Variants in PDGFRL observed in about 807,000 individuals in gnomAD.
The protein encoded by PDGFRL is platelet derived growth factor receptor like.
PDGFRL carries 46 observed loss-of-function variants against 37.2 expected under a neutral mutation model. The ratio of observed to expected loss-of-function variants is 1.24; its 90% CI spans 0.98 to 1.58. The LOEUF (loss-of-function observed/expected upper bound fraction) is 1.58, where lower values mean the gene tolerates loss of function less well. Ranked by LOEUF, PDGFRL falls within the 40% of genes most tolerant of loss-of-function variation. The pLI is 0.00. For missense variants in PDGFRL, 692 were observed against 467.6 expected (o/e 1.48, Z -4.43); for synonymous variants, 251 against 184.3 (o/e 1.36, Z -2.93).
At chr8:17,596,446 C>T (rs1804054596) in intron 2 of PDGFRL, 1 of 483,956 alleles carries the variant, frequency 2.1e-6, no homozygotes, top group Admixed American at 4.5e-5. Flanking sequence ...TATAAAAAAA[C>T]AGAATTGATA....
At chr8:17,590,236 C>CAAAAAAGAAAAAAAAAAAAAAAAAA (rs1803906892) in intron 2 of PDGFRL, among the ~76,000 whole-genome samples, 1 of 35,606 alleles carries the variant, frequency 2.8e-5, no homozygotes, top group Non-Finnish European at 6.3e-5. Context: ...GACTCCATCT[C>CAAAAAAGAAAAAAAAAAAAAAAAAA]AAAAAAAAAA....
chr8:17,628,493 G>A lies in PDGFRL; in HGVS notation c.512G>A (p.Gly171Glu), dbSNP rs773020524. 5 of 1,613,100 alleles carry A rather than the reference G, an allele frequency of 3.1e-6. No individual in the cohort carries two copies. Among genetic ancestry groups the A allele is most frequent in the Non-Finnish European group, 4.2e-6 (5 of 1,179,070 alleles). The change falls in exon 4 of 6, where the codon GGA becomes GAA. Residue 171 changes from glycine to glutamate, a missense_variant. Transcript: ENST00000251630. Reference protein sequence around the residue: ...GSTYIFFTEKGELFVPSPSYF... With the variant: ...GSTYIFFTEKEELFVPSPSYF... ...GTCTTCCTTCCCTTTGCAGAGAAAG[G>A]AGAACTCTTTGTACCTTCTCCCAGC...
Position 17,589,612 on chromosome 8 carries a change from T to C in PDGFRL, c.200T>C (p.Ile67Thr), listed in dbSNP as rs1803889694. 9.3e-6 allele frequency: 15 copies of C among 1,613,992 alleles called. No homozygotes were observed. Among genetic ancestry groups the C allele is most frequent in the Non-Finnish European group, 1.3e-5 (15 of 1,179,950 alleles). Reference protein sequence around the residue: ...SANSAPKTQSIMMQVLDKGRF... With the variant: ...SANSAPKTQSTMMQVLDKGRF... ...AATTCAGCACCAAAGACGCAGTCTA[T>C]CATGATGCAAGTGCTGGATAAAGGT... The change falls in exon 2 of 6, where the codon ATC (isoleucine) becomes ACC (threonine). Residue 67 changes from isoleucine (I) to threonine (T), a missense_variant. Physicochemically the swap from Ile to Thr is moderately conservative, Grantham distance 89. Coordinates refer to ENST00000251630, the MANE Select transcript of PDGFRL (RefSeq NM_001372073.1).
At chr8:17,598,498 C>T (rs565607755) in intron 2 of PDGFRL, among the ~76,000 whole-genome samples, 52 of 152,168 alleles carry the variant, frequency 3.4e-4, no homozygotes, top group African/African-American at 1.0e-3. Flanking sequence ...GGGTTTAGGC[C>T]GCATGTCAGA....
intron 2 of PDGFRL, among the ~76,000 whole-genome samples, chr8:17,615,583 G>A (rs572248396): frequency 6.6e-6 from 1 of 152,138 alleles, no homozygotes; most frequent in Non-Finnish European, 1.5e-5. Flanking sequence ...ACTTAATGTA[G>A]CTGTGAGAAC....
rs1467674472 is a variant in PDGFRL, at chr8:17,610,362, C to A, written c.354-10689C>A. Among the ~76,000 whole-genome samples, 4 of 152,270 alleles carry A rather than the reference C, an allele frequency of 2.6e-5. No homozygotes were observed. The East Asian group carries it at 7.7e-4, about 29-fold the overall frequency. On this transcript the variant is annotated intron_variant, in intron 2 of 5. Coordinates refer to ENST00000251630, the MANE Select transcript of PDGFRL (RefSeq NM_001372073.1). ...CATAAATCCGGAATCCGAAATGCTA[C>A]AAAATCTGAAACTTTTTGAGCAATA...
chr8:17,641,984 A>C (rs1805122417), intron 5 of PDGFRL, among the ~76,000 whole-genome samples: 1 of 140,670 alleles, frequency 7.1e-6, no homozygotes, highest in Non-Finnish European at 1.5e-5. Flanking sequence ...AGAAAATACT[A>C]TGTTCTTATC....
intron 2 of PDGFRL, among the ~76,000 whole-genome samples, chr8:17,595,051 T>C (rs950781572): frequency 6.6e-6 from 1 of 152,176 alleles, no homozygotes; most frequent in Non-Finnish European, 1.5e-5. Flanking sequence ...TTTTACTGTT[T>C]GTGTTTTGAA....
At chr8:17,601,442 T>C (rs1407790970) in intron 2 of PDGFRL, among the ~76,000 whole-genome samples, 1 of 145,864 alleles carries the variant, frequency 6.9e-6, no homozygotes, top group Non-Finnish European at 1.5e-5. Context: ...TGTTAACTTA[T>C]ACCCCCGTTT....
At chr8:17,598,450 C>G (rs1804098808) in intron 2 of PDGFRL, among the ~76,000 whole-genome samples, 1 of 152,188 alleles carries the variant, frequency 6.6e-6, no homozygotes, top group African/African-American at 2.4e-5. Context: ...ATGTCTGACA[C>G]ATACCAGAGC....
intron 2 of PDGFRL, among the ~76,000 whole-genome samples, chr8:17,616,567 G>C (rs1348283136): frequency 6.6e-6 from 1 of 152,130 alleles, no homozygotes; most frequent in Non-Finnish European, 1.5e-5. Flanking sequence ...GCTTTGTTCT[G>C]CACAAACTTG....
chr8:17,643,135 T>TTTAAG (rs200986660), exon 6 of PDGFRL: 7 of 229,304 alleles, frequency 3.1e-5, no homozygotes, highest in African/African-American at 4.6e-5. Flanking sequence ...ATAAGTGTTT[T>TTTAAG]TTAAGTTAAG....
At chr8:17,641,895 G>GGCCCCGCCCCCCCCCC (rs1563534458) in intron 5 of PDGFRL, among the ~76,000 whole-genome samples, 1 of 2,590 alleles carries the variant, frequency 3.9e-4, no homozygotes, top group African/African-American at 1.8e-3. Flanking sequence ...TTCAATAGAG[G>GGCCCCGCCCCCCCCCC]TCCCCGCCAC....
At position 17,628,753 on chromosome 8, in the gene PDGFRL, G is replaced by A. The variant is rs773616641; in HGVS notation, c.772G>A (p.Val258Ile). 2 of 1,613,876 alleles carry A rather than the reference G, an allele frequency of 1.2e-6. No homozygotes were observed. Among genetic ancestry groups the A allele is most frequent in the East Asian group, 4.5e-5 (2 of 44,868 alleles). Reference protein sequence around the residue: ...AEAGGRSQISVKYQLLYVAVP... With the variant: ...AEAGGRSQISIKYQLLYVAVP... The stretch of plus-strand genomic sequence containing the variant: ...GGCCGGGGGCAGATCTCAGATCTCC[G>A]TCAAGTACCAGCTGCTCTATGTGGC... The change falls in exon 4 of 6, where the codon GTC (valine) becomes ATC (isoleucine). Residue 258 changes from valine to isoleucine, a missense_variant. Val to Ile is a conservative substitution (Grantham distance 29). Coordinates refer to ENST00000251630, the MANE Select transcript of PDGFRL (RefSeq NM_001372073.1).
intron 2 of PDGFRL, among the ~76,000 whole-genome samples, chr8:17,608,248 G>GAA (rs1804326563): frequency 1.3e-5 from 2 of 152,130 alleles, no homozygotes; most frequent in Non-Finnish European, 2.9e-5. Flanking sequence ...CCACTGCCTA[G>GAA]ATCCCAGATG....
chr8:17,583,040 T>C (rs1482878234), intron 1 of PDGFRL, among the ~76,000 whole-genome samples: 2 of 152,152 alleles, frequency 1.3e-5, no homozygotes, highest in African/African-American at 4.8e-5. Flanking sequence ...ACAGAGAGGT[T>C]GCTCCAGAGG....
chr8:17,618,321 G>T (rs982432135), intron 2 of PDGFRL, among the ~76,000 whole-genome samples: 25 of 152,298 alleles, frequency 1.6e-4, no homozygotes, highest in Admixed American at 1.4e-3. Flanking sequence ...CTCCCAAAGT[G>T]TTGGGATTAT....
chr8:17,590,939 G>C (rs992446804), intron 2 of PDGFRL, among the ~76,000 whole-genome samples: 7 of 149,154 alleles, frequency 4.7e-5, no homozygotes, highest in African/African-American at 1.7e-4. Context: ...TTGGAGTGCA[G>C]TGGTGCCATC....
intron 5 of PDGFRL, among the ~76,000 whole-genome samples, chr8:17,641,692 G>C (rs192347793): frequency 2.0e-5 from 3 of 152,282 alleles, no homozygotes; most frequent in African/African-American, 7.2e-5. Flanking sequence ...TCTGCTCCCA[G>C]CACGGAATAA....
Sources: gnomAD v4.1 joint callset for allele counts (sites outside exome capture counted in the v4.1 genomes callset) on GRCh38, gnomAD v4.1.1 for gene constraint, MANE v1.5 for transcripts, NCBI Gene and HGNC (gene_info 2026-07-23, HGNC 2026-07-21) for gene names.